TNFRSF10D: variants seen among roughly 807,000 people sequenced by gnomAD.
TNFRSF10D encodes the protein TNF receptor superfamily member 10d, also known as tumor necrosis factor receptor superfamily member 10D.
TNFRSF10D carries 28 observed loss-of-function variants against 42.1 expected under a neutral mutation model. The ratio of observed to expected loss-of-function variants is 0.66; its 90% CI spans 0.49 to 0.91. The LOEUF (loss-of-function observed/expected upper bound fraction) is 0.91, where lower values mean the gene tolerates loss of function less well. TNFRSF10D is among the 40% of genes least tolerant of loss of function. The pLI, the probability that TNFRSF10D is intolerant of heterozygous loss-of-function variation, is 0.00. For synonymous variants in TNFRSF10D, 186 were observed against 189.4 expected (o/e 0.98, Z 0.15); for missense variants, 503 against 486.1 (o/e 1.03, Z -0.33).
At position 23,163,978 on chromosome 8, in the gene TNFRSF10D, GA is replaced by G; in HGVS notation, c.-44del. On this transcript the variant is annotated 5_prime_UTR_variant, in exon 1 of 9. Transcript: ENST00000312584. ...GATCGAAAGCGCCAAAAATCAATCA[GA>G]AATCGTCCCCGTAGTTTGTGCGCGT... is the stretch of plus-strand genomic sequence containing the variant. 1 of 1,521,702 alleles carries G rather than the reference GA, an allele frequency of 6.6e-7. No individual in the cohort carries two copies. The highest frequency in any genetic ancestry group is 8.8e-7 in the Non-Finnish European group (1 of 1,138,182). The allele number at this position is 1,521,702 out of a possible 1,614,324, so 94.3% of individuals were successfully genotyped here.
chr8:23,140,018 G>T (rs151185881), intron 7 of TNFRSF10D, among the ~76,000 whole-genome samples: 1 of 151,902 alleles, frequency 6.6e-6, no homozygotes, highest in Non-Finnish European at 1.5e-5. Context: ...AGCTGGGTAC[G>T]GTGGCTCACG....
At position 23,144,486 on chromosome 8, in the gene TNFRSF10D, C is replaced by T; in HGVS notation, c.918G>A (p.Val306=). The change falls in exon 7 of 9, where the codon GTG becomes GTA. Residue 306 remains valine (V), a synonymous_variant. Coordinates refer to ENST00000312584, the MANE Select transcript of TNFRSF10D (RefSeq NM_003840.5). ...GTGGCTCCTCTGGCAACTCTACAGT[C>T]ACACCTGTTAGCTCTGCCAGCTCCT... ...QGQELAELTG[V]TVELPEEPQR... 1 of 1,614,196 alleles carries T rather than the reference C, an allele frequency of 6.2e-7. No individual in the cohort carries two copies. Among genetic ancestry groups the T allele is most frequent in the Non-Finnish European group, 8.5e-7 (1 of 1,180,016 alleles).
chr8:23,140,205 C>T (rs898887696), intron 7 of TNFRSF10D, among the ~76,000 whole-genome samples: 8 of 152,098 alleles, frequency 5.3e-5, no homozygotes, highest in South Asian at 2.1e-4. Flanking sequence ...AGGAGAATGG[C>T]GTGAACCTGG....
chr8:23,143,070 G>T (rs890465806), intron 7 of TNFRSF10D, among the ~76,000 whole-genome samples: 1 of 151,560 alleles, frequency 6.6e-6, no homozygotes, highest in East Asian at 1.9e-4. Context: ...TCCGCCTCAC[G>T]GGTTCACGCC....
intron 4 of TNFRSF10D, 47 bp downstream of exon 4, chr8:23,146,913 CT>C: frequency 6.8e-7 from 1 of 1,476,568 alleles, no homozygotes; most frequent in South Asian, 1.1e-5. Flanking sequence ...TGAATCAGGT[CT>C]TTTCAGGTTC....
chr8:23,163,977 A>C lies in TNFRSF10D; in HGVS notation c.-42T>G. 2 of 1,521,786 alleles carry C rather than the reference A, an allele frequency of 1.3e-6. No homozygotes were observed. Among genetic ancestry groups the C allele is most frequent in the Non-Finnish European group, 1.8e-6 (2 of 1,138,874 alleles). 94.3% of individuals were successfully genotyped at this position (1,521,786 alleles called of 1,614,324 possible). On this transcript the variant is annotated 5_prime_UTR_variant, in exon 1 of 9. Transcript: ENST00000312584. ...GGATCGAAAGCGCCAAAAATCAATC[A>C]GAAATCGTCCCCGTAGTTTGTGCGC...
chr8:23,163,624 A>G (rs1199168767), intron 1 of TNFRSF10D, among the ~76,000 whole-genome samples, 162 bp downstream of exon 1: 1 of 151,814 alleles, frequency 6.6e-6, no homozygotes, highest in Admixed American at 6.5e-5. Flanking sequence ...CAGCCCGGGC[A>G]CCCCACTCTT....
chr8:23,150,331 G>T (rs1800198356), intron 2 of TNFRSF10D, among the ~76,000 whole-genome samples: 1 of 152,156 alleles, frequency 6.6e-6, no homozygotes, highest in Non-Finnish European at 1.5e-5. Context: ...CACCTCTCTG[G>T]ATACTGGCTC....
chr8:23,160,816 T>A (rs923846975), intron 1 of TNFRSF10D, among the ~76,000 whole-genome samples: 1 of 152,174 alleles, frequency 6.6e-6, no homozygotes, highest in Non-Finnish European at 1.5e-5. Flanking sequence ...GATGGAGACC[T>A]TTCCTGCTCA....
At position 23,144,530 on chromosome 8, in the gene TNFRSF10D, C is replaced by T. The variant is rs1419387823; in HGVS notation, c.874G>A (p.Glu292Lys). 1 of 1,614,206 alleles carries T rather than the reference C, an allele frequency of 6.2e-7. No individual in the cohort carries two copies. Among genetic ancestry groups the T allele is most frequent in the Non-Finnish European group, 8.5e-7 (1 of 1,180,020 alleles). ...AGCTCCTGACCTTGGATTTCCTGCT[C>T]AGAGACCTGGGTGGGCTGCAAGTAT... ...NRYLQPTQVSEQEIQGQELAE... is the reference protein window; with the variant it reads ...NRYLQPTQVSKQEIQGQELAE... The change falls in exon 7 of 9, where the codon GAG becomes AAG. Residue 292 changes from glutamate (E) to lysine (K), a missense_variant. Physicochemically the swap from Glu to Lys is moderately conservative, Grantham distance 56. Coordinates refer to ENST00000312584, the MANE Select transcript of TNFRSF10D (RefSeq NM_003840.5).
At position 23,136,079 on chromosome 8, in the gene TNFRSF10D, C is replaced by A; in HGVS notation, c.*1791G>T. On this transcript the variant is annotated 3_prime_UTR_variant, in exon 9 of 9. Coordinates refer to ENST00000312584, the MANE Select transcript of TNFRSF10D (RefSeq NM_003840.5). ...TCAGGCAGTTCTAACTTTGTCCCAG[C>A]CAAACCAGTCCCGGAACAAAACACA... is the stretch of plus-strand genomic sequence containing the variant. The A allele has an allele frequency of 2.7e-6, 1 of 371,676 alleles. No individual in the cohort carries two copies. Among genetic ancestry groups the A allele is most frequent in the South Asian group, 2.1e-5 (1 of 47,722 alleles). 23.0% of individuals were successfully genotyped at this position (371,676 alleles called of 1,614,324 possible). A position where few individuals can be genotyped will look rare whatever the true frequency, so the allele number is the denominator to read the frequency against.
rs554166185 is a variant in TNFRSF10D, at chr8:23,146,991, G to A, written c.452C>T (p.Ser151Phe). ...CEKGSFQDKN[S>F]PEMCRTCRTG... ...TCTACACGTCCGGCACATCTCAGGG[G>A]AGTTTTTATCCTGGAAGCTTCCTTT... is the stretch of plus-strand genomic sequence containing the variant. The change falls in exon 4 of 9, where the codon TCC (serine) becomes TTC (phenylalanine). Residue 151 changes from serine (S) to phenylalanine (F), a missense_variant. Ser to Phe is a radical substitution (Grantham distance 155, BLOSUM62 -2). Coordinates refer to ENST00000312584, the MANE Select transcript of TNFRSF10D (RefSeq NM_003840.5). 1.2e-6 allele frequency: 2 copies of A among 1,614,210 alleles called. No homozygotes were observed. Among genetic ancestry groups the A allele is most frequent in the Non-Finnish European group, 1.7e-6 (2 of 1,180,030 alleles).
intron 7 of TNFRSF10D, among the ~76,000 whole-genome samples, chr8:23,140,247 C>T (rs1814435579): frequency 6.6e-6 from 1 of 152,046 alleles, no homozygotes; most frequent in African/African-American, 2.4e-5. Flanking sequence ...TGAGATCGCG[C>T]CACTGCACTC....
chr8:23,160,325 C>A (rs1388901360), intron 1 of TNFRSF10D, among the ~76,000 whole-genome samples: 3 of 152,204 alleles, frequency 2.0e-5, no homozygotes, highest in African/African-American at 7.2e-5. Flanking sequence ...TAAGGACAGG[C>A]TCCAGGCTGT....
intron 4 of TNFRSF10D, among the ~76,000 whole-genome samples, chr8:23,146,686 G>C (rs1800125583): frequency 6.6e-6 from 1 of 152,000 alleles, no homozygotes; most frequent in Admixed American, 6.6e-5. Context: ...AGGTTCAAGG[G>C]ACCTAGAAAG....
At chr8:23,150,898 A>G (rs1563359564) in intron 2 of TNFRSF10D, among the ~76,000 whole-genome samples, 1 of 152,208 alleles carries the variant, frequency 6.6e-6, no homozygotes, top group African/African-American at 2.4e-5. Context: ...AGAGGGAAGA[A>G]AGCCAACAGT....
At chr8:23,156,581 T>A (rs1172434635) in intron 1 of TNFRSF10D, among the ~76,000 whole-genome samples, 2 of 150,796 alleles carry the variant, frequency 1.3e-5, no homozygotes, top group Non-Finnish European at 2.9e-5. Flanking sequence ...TTTTCTTTTT[T>A]GGAGACGGGA....
chr8:23,157,252 A>C (rs1800294356), intron 1 of TNFRSF10D, among the ~76,000 whole-genome samples: 9 of 152,096 alleles, frequency 5.9e-5, no homozygotes. Context: ...CACTCCGAGC[A>C]CTGTTAGCCA....
In TNFRSF10D at chr8:23,148,421, G is replaced by T. The variant is rs1357084374; in HGVS notation, c.370+17C>A. 1 of 1,592,298 alleles carries T rather than the reference G, an allele frequency of 6.3e-7. No individual in the cohort carries two copies. Among genetic ancestry groups the T allele is most frequent in the Admixed American group, 1.7e-5 (1 of 59,724 alleles). ...TATGCACTCCACCTCTGGGCAAGGGGTCCACACATTCTGTACCTGATTTAC... is the reference window on the plus strand; with the variant it reads ...TATGCACTCCACCTCTGGGCAAGGGTTCCACACATTCTGTACCTGATTTAC... On this transcript the variant is annotated intron_variant, in intron 3 of 8. Coordinates refer to ENST00000312584, the MANE Select transcript of TNFRSF10D (RefSeq NM_003840.5).
Sources: allele counts gnomAD v4.1 joint callset (sites outside exome capture counted in the v4.1 genomes callset), GRCh38; gene constraint gnomAD v4.1.1; transcripts MANE v1.5; gene names NCBI Gene and HGNC (gene_info 2026-07-23, HGNC 2026-07-21).